Variants in PLD5 observed in about 807,000 individuals in gnomAD.
PLD5 encodes inactive phospholipase D5.
In PLD5, 36 loss-of-function variants were observed where a neutral mutation model predicts 61.1. That is an observed-to-expected ratio of 0.59 (90% CI 0.45 to 0.78). The LOEUF (loss-of-function observed/expected upper bound fraction) is 0.78, where lower values mean the gene tolerates loss of function less well. Ranked by LOEUF, PLD5 falls within the 30% of genes least tolerant of loss-of-function variation. PLD5 has a pLI of 0.00. For synonymous variants in PLD5, 243 were observed against 242.8 expected, an observed-to-expected ratio of 1.00 and a Z score of -0.01; for missense variants, 515 against 644.4, an observed-to-expected ratio of 0.80 and a Z score of 2.17.
chr1:242,158,541 C>A (rs1194402920), intron 5 of PLD5, among the ~76,000 whole-genome samples: 1 of 152,046 alleles, frequency 6.6e-6, no homozygotes, highest in Non-Finnish European at 1.5e-5. Context: ...AGGCTCAGTC[C>A]CCCACAGCTT....
chr1:242,221,833 A>C (rs10737876), intron 4 of PLD5, among the ~76,000 whole-genome samples: 45,900 of 151,820 alleles, frequency 0.3, 7,169 homozygotes, highest in East Asian at 0.53. Context: ...GACACAGCAG[A>C]CAGTGTTCCT....
intron 1 of PLD5, among the ~76,000 whole-genome samples, chr1:242,436,484 A>T (rs577413179): frequency 2.8e-5 from 4 of 144,984 alleles, no homozygotes; most frequent in South Asian, 2.1e-4. Flanking sequence ...TTCACCTTTT[A>T]AAAAAAAATT....
intron 2 of PLD5, among the ~76,000 whole-genome samples, chr1:242,336,533 C>T (rs1659521608): frequency 6.6e-6 from 1 of 152,158 alleles, no homozygotes; most frequent in African/African-American, 2.4e-5. Context: ...GTTCATGGTA[C>T]ATCATGTCTA....
At position 242,116,751 on chromosome 1, in the gene PLD5, C is replaced by T. The variant is rs938504047; in HGVS notation, c.934-2725G>A. On this transcript the variant is annotated intron_variant, in intron 6 of 9. Transcript: ENST00000536534. ...GCTGCAAAAGACATGATTTTATTCT[C>T]GTTTATGGTTGCATAGTATTCCATG... 5.9e-5 allele frequency among the ~76,000 whole-genome samples: 9 copies of T among 152,220 alleles called. No homozygotes were observed. The East Asian group carries it at 1.2e-3, about 20-fold the overall frequency.
chr1:242,227,168 G>C (rs189629738), intron 4 of PLD5, among the ~76,000 whole-genome samples: 1 of 152,160 alleles, frequency 6.6e-6, no homozygotes, highest in Non-Finnish European at 1.5e-5. Flanking sequence ...TCTTTTTGAG[G>C]ACACTAATGT....
chr1:242,438,888 C>G (rs1666139253), intron 1 of PLD5, among the ~76,000 whole-genome samples: 1 of 152,160 alleles, frequency 6.6e-6, no homozygotes, highest in African/African-American at 2.4e-5. Context: ...GTTTAGGAGT[C>G]AAAACCTATG....
At chr1:242,347,001 G>T (rs1157957013) in intron 2 of PLD5, among the ~76,000 whole-genome samples, 1 of 152,070 alleles carries the variant, frequency 6.6e-6, no homozygotes, top group Admixed American at 6.6e-5. Context: ...CCTTTTTATG[G>T]CTACATAATA....
At chr1:242,105,570 C>G (rs947681068) in intron 8 of PLD5, among the ~76,000 whole-genome samples, 1 of 151,774 alleles carries the variant, frequency 6.6e-6, no homozygotes, top group Admixed American at 6.6e-5. Flanking sequence ...TAAATAGGCT[C>G]AGGGAAGGAA....
At chr1:242,398,736 G>A (rs1214737723) in intron 1 of PLD5, among the ~76,000 whole-genome samples, 4 of 152,164 alleles carry the variant, frequency 2.6e-5, no homozygotes, top group East Asian at 1.9e-4. Flanking sequence ...CAAAATTGCC[G>A]TCAGAAGAAA....
At position 242,083,289 on chromosome 1, in the gene PLD5, T is replaced by C. The variant is rs962446618; in HGVS notation, c.*6565A>G. On this transcript the variant is annotated 3_prime_UTR_variant, in exon 10 of 10. Coordinates refer to ENST00000536534, the MANE Select transcript of PLD5 (RefSeq NM_001372062.1). ...CCGTGATTGGTGGGGCCAGGTACCA[T>C]CAAACAAGAATACCACTGCTAGGTA... 6.6e-6 allele frequency: 1 copy of C among 152,202 alleles called. No homozygotes were observed. Among genetic ancestry groups the C allele is most frequent in the Non-Finnish European group, 1.5e-5 (1 of 68,064 alleles). The allele number at this position is 152,202 out of a possible 1,614,324, so 9.4% of individuals were successfully genotyped here.
At chr1:242,377,252 G>A (rs775187670) in intron 1 of PLD5, 23 of 1,610,382 alleles carry the variant, frequency 1.4e-5, no homozygotes, top group East Asian at 2.2e-5. Flanking sequence ...GCTGAGGGAC[G>A]TGTTCGTGGA....
intron 5 of PLD5, among the ~76,000 whole-genome samples, chr1:242,144,581 G>A (rs1664416619): frequency 6.6e-6 from 1 of 152,252 alleles, no homozygotes; most frequent in African/African-American, 2.4e-5. Context: ...AGGGGTTTGA[G>A]ACCAACCTGG....
At chr1:242,354,336 T>C (rs1418237564) in intron 1 of PLD5, among the ~76,000 whole-genome samples, 2 of 152,136 alleles carry the variant, frequency 1.3e-5, no homozygotes, top group Non-Finnish European at 2.9e-5. Context: ...CCCCTTAATT[T>C]TCCTATAATT....
chr1:242,105,764 A>T (rs1327544234), intron 8 of PLD5, among the ~76,000 whole-genome samples: 1 of 152,176 alleles, frequency 6.6e-6, no homozygotes, highest in Non-Finnish European at 1.5e-5. Flanking sequence ...GTGTAATAAT[A>T]ATAGGTGTAA....
intron 8 of PLD5, among the ~76,000 whole-genome samples, chr1:242,104,045 C>A (rs928501942): frequency 6.6e-6 from 1 of 152,080 alleles, no homozygotes; most frequent in Non-Finnish European, 1.5e-5. Context: ...AACATTTTAT[C>A]TGATTCTTTT....
At chr1:242,190,580 T>G (rs996237795) in intron 5 of PLD5, among the ~76,000 whole-genome samples, 1 of 151,904 alleles carries the variant, frequency 6.6e-6, no homozygotes, top group African/African-American at 2.4e-5. Context: ...AAACTTCCAG[T>G]TATCCATTTA....
chr1:242,432,560 C>T (rs1665777296), intron 1 of PLD5, among the ~76,000 whole-genome samples: 1 of 152,218 alleles, frequency 6.6e-6, no homozygotes, highest in Admixed American at 6.5e-5. Flanking sequence ...TGACAGATTT[C>T]TGAGACCTTT....
chr1:242,176,603 A>C (rs768466708), intron 5 of PLD5, among the ~76,000 whole-genome samples: 1 of 152,226 alleles, frequency 6.6e-6, no homozygotes, highest in African/African-American at 2.4e-5. Context: ...ATTACACTAA[A>C]GAGCTTCTGC....
chr1:242,326,401 T>G (rs186727793), intron 2 of PLD5, among the ~76,000 whole-genome samples: 35 of 152,288 alleles, frequency 2.3e-4, no homozygotes, highest in Admixed American at 1.6e-3. Flanking sequence ...GGGGTCATGC[T>G]ACAGTCATAA....
Sources: gnomAD v4.1 joint callset for allele counts (sites outside exome capture counted in the v4.1 genomes callset) on GRCh38, gnomAD v4.1.1 for gene constraint, MANE v1.5 for transcripts, NCBI Gene and HGNC (gene_info 2026-07-23, HGNC 2026-07-21) for gene names.